SNX19: variants seen among roughly 807,000 people sequenced by gnomAD.
SNX19 encodes sorting nexin 19.
A neutral mutation model predicts 85.2 loss-of-function variants in SNX19; 60 were observed. That is an observed-to-expected ratio of 0.70 (90% CI 0.57 to 0.87). SNX19 has a LOEUF of 0.87. Ranked by LOEUF, SNX19 falls within the 40% of genes least tolerant of loss-of-function variation. The pLI is 0.00. For missense variants in SNX19, 1,201 were observed against 1,217.8 expected, an observed-to-expected ratio of 0.99 and a Z score of 0.21; for synonymous variants, 520 against 470.0, an observed-to-expected ratio of 1.11 and a Z score of -1.38.
At chr11:130,906,938 T>G (rs1319935601) in intron 5 of SNX19, among the ~76,000 whole-genome samples, 1 of 152,236 alleles carries the variant, frequency 6.6e-6, no homozygotes, top group Non-Finnish European at 1.5e-5. Flanking sequence ...ACGCATACAC[T>G]AAGCTATGTC....
Position 130,878,234 on chromosome 11 carries a change from A to G in SNX19, c.*188T>C. 1.9e-6 allele frequency: 1 copy of G among 512,886 alleles called. No individual in the cohort carries two copies. The highest frequency in any genetic ancestry group is 3.0e-5 in the East Asian group (1 of 33,678). The allele number at this position is 512,886 out of a possible 1,614,324, so 31.8% of individuals were successfully genotyped here. On this transcript the variant is annotated 3_prime_UTR_variant, in exon 11 of 11. Transcript: ENST00000265909. The stretch of plus-strand genomic sequence containing the variant: ...AAAAGGAACAGGGAAATAAACGTGC[A>G]TACAACTGGGACACACAGACCCCTG...
rs571582150 is a variant in SNX19, at chr11:130,909,881, C to A, written c.2034+137G>T. ...GGCAACAGGTCTTGACAATTTAAGT[C>A]CATGTTCTATTGACGGCTCTGTGCT... On this transcript the variant is annotated intron_variant, in intron 4 of 10. Transcript: ENST00000265909. The A allele has an allele frequency of 3.7e-5, 42 of 1,138,394 alleles. No homozygotes were observed. The South Asian group carries it at 5.8e-4, about 16-fold the overall frequency. 70.5% of individuals were successfully genotyped at this position (1,138,394 alleles called of 1,614,324 possible).
At chr11:130,900,913 G>C (rs1183919756) in intron 8 of SNX19, among the ~76,000 whole-genome samples, 1 of 152,174 alleles carries the variant, frequency 6.6e-6, no homozygotes, top group Non-Finnish European at 1.5e-5. Flanking sequence ...AAGTGTAAAG[G>C]TACTGGGAAG....
At chr11:130,912,994 C>T (rs1035855954) in intron 1 of SNX19, among the ~76,000 whole-genome samples, 1 of 152,102 alleles carries the variant, frequency 6.6e-6, no homozygotes, top group East Asian at 1.9e-4. Flanking sequence ...TATATTATTT[C>T]GTTCTCATTT....
Position 130,866,559 on chromosome 11 carries a change from G to C in SNX19, c.*11863C>G, listed in dbSNP as rs1229931472. The C allele has an allele frequency of 1.3e-5, 2 of 152,196 alleles. No individual in the cohort carries two copies. Among genetic ancestry groups the C allele is most frequent in the African/African-American group, 4.8e-5 (2 of 41,440 alleles). 9.4% of individuals were successfully genotyped at this position (152,196 alleles called of 1,614,324 possible). A position where few individuals can be genotyped will look rare whatever the true frequency, so the allele number is the denominator to read the frequency against. ...AAGACCCTCTTCCCCAGGAGAGTGG[G>C]AGCGTCTGCCTTCGGGCTGTCAGTA... On this transcript the variant is annotated 3_prime_UTR_variant, in exon 11 of 11. Transcript: ENST00000265909.
rs1385847058 is a variant in SNX19 at position 130,915,880 on chromosome 11, G to C, written c.60C>G (p.Leu20=). The change falls in exon 1 of 11, where the codon CTC becomes CTG. Residue 20 remains leucine (L), a synonymous_variant. Transcript: ENST00000265909. ...QETPAGSSCH[L]NNLLSSRKLM... The stretch of plus-strand genomic sequence containing the variant: ...GCTTCCGGCTACTCAACAGGTTATT[G>C]AGGTGACAGCTCGATCCAGCTGGAG... 1.2e-6 allele frequency: 2 copies of C among 1,614,186 alleles called. No homozygotes were observed. Among genetic ancestry groups the C allele is most frequent in the South Asian group, 1.1e-5 (1 of 91,088 alleles).
intron 8 of SNX19, among the ~76,000 whole-genome samples, chr11:130,888,108 A>G (rs1195771554): frequency 6.6e-6 from 1 of 152,160 alleles, no homozygotes; most frequent in African/African-American, 2.4e-5. Flanking sequence ...ACAAAAAAAA[A>G]AAAAATCGTG....
intron 9 of SNX19, 60 bp from the exon 10 acceptor site, chr11:130,879,771 A>T (rs2135275796): frequency 2.0e-6 from 3 of 1,485,856 alleles, no homozygotes; most frequent in Non-Finnish European, 2.8e-6. Context: ...GATTCTAAGG[A>T]CAGTCTCTCC....
intron 3 of SNX19, 24 bp downstream of exon 3, chr11:130,910,246 A>G (rs1945996656): frequency 6.2e-7 from 1 of 1,613,072 alleles, no homozygotes; most frequent in Non-Finnish European, 8.5e-7. Context: ...AGTGAGAACA[A>G]GGCCAAAAGA....
chr11:130,889,222 T>G (rs993221659), intron 8 of SNX19, among the ~76,000 whole-genome samples: 1 of 152,150 alleles, frequency 6.6e-6, no homozygotes, highest in South Asian at 2.1e-4. Context: ...TTGTTCAGTA[T>G]GTGTCCCCTC....
Position 130,911,693 on chromosome 11 carries a change from C to G in SNX19, c.1753G>C (p.Glu585Gln). ...AYHTVNRRYR[E>Q]FLNLQTRLEE... ...AGACGGGTCTGCAGATTCAAGAACTCCCGATAGCGACGATTCACAGTGTGG... is the reference window on the plus strand; with the variant it reads ...AGACGGGTCTGCAGATTCAAGAACTGCCGATAGCGACGATTCACAGTGTGG... Residue 585 changes from glutamate (E) to glutamine (Q), a missense_variant, in exon 2 of 11, where the codon GAG becomes CAG. By Grantham distance (29) the Glu-to-Gln change is conservative (BLOSUM62 2). This residue lies in a region of SNX19 where 791 missense variants were observed against 750.9 expected (regional missense o/e 1.05). Transcript: ENST00000265909. 1 of 1,614,152 alleles carries G rather than the reference C, an allele frequency of 6.2e-7. No individual in the cohort carries two copies.
Position 130,914,768 on chromosome 11 carries a change from C to T in SNX19, c.1172G>A (p.Gly391Asp). Residue 391 changes from glycine (G) to aspartate (D), a missense_variant, in exon 1 of 11, where the codon GGC becomes GAC. Physicochemically the swap from Gly to Asp is moderately conservative, Grantham distance 94. This residue lies in a region of SNX19 where 791 missense variants were observed against 750.9 expected (regional missense o/e 1.05). Transcript: ENST00000265909. ...GKETIMLMTP[G>D]SFLSDRIQDA... ...CTGAATCCTGTCAGAGAGAAAGCTG[C>T]CTGGAGTCATGAGCATGATGGTTTC... The T allele has an allele frequency of 1.2e-6, 2 of 1,614,184 alleles. No homozygotes were observed. The highest frequency in any genetic ancestry group is 1.7e-6 in the Non-Finnish European group (2 of 1,180,040).
chr11:130,882,855 T>C (rs1459929928), intron 8 of SNX19, among the ~76,000 whole-genome samples: 1 of 152,220 alleles, frequency 6.6e-6, no homozygotes, highest in Non-Finnish European at 1.5e-5. Context: ...GGGTCTCATC[T>C]AACTGTCTTG....
chr11:130,909,157 G>C (rs11222385), intron 4 of SNX19, among the ~76,000 whole-genome samples: 1 of 152,132 alleles, frequency 6.6e-6, no homozygotes, highest in Non-Finnish European at 1.5e-5. Flanking sequence ...AACAGCAGCT[G>C]GTAGAGTGTC....
Position 130,916,063 on chromosome 11 carries a change from G to A in SNX19, c.-124C>T, listed in dbSNP as rs897528736. The A allele has an allele frequency of 6.0e-5, 51 of 854,856 alleles. No individual in the cohort carries two copies. The highest frequency in any genetic ancestry group is 8.8e-5 in the Non-Finnish European group (49 of 557,548). The allele number at this position is 854,856 out of a possible 1,614,324, so 53.0% of individuals were successfully genotyped here. A position where few individuals can be genotyped will look rare whatever the true frequency, so the allele number is the denominator to read the frequency against. ...ATCTGGGTGCTGTTCAGGGAACCGGGGCTCCAGGCCCTCAAAGTCCTACAG... is the reference window on the plus strand; with the variant it reads ...ATCTGGGTGCTGTTCAGGGAACCGGAGCTCCAGGCCCTCAAAGTCCTACAG... On this transcript the variant is annotated 5_prime_UTR_variant, in exon 1 of 11. Transcript: ENST00000265909.
intron 2 of SNX19, 29 bp downstream of exon 2, chr11:130,911,604 G>T (rs369116128): frequency 6.2e-7 from 1 of 1,613,390 alleles, no homozygotes; most frequent in Non-Finnish European, 8.5e-7. Context: ...GGAAGCAAGC[G>T]GGCAGTAGGG....
chr11:130,912,465 G>T (rs1048618414), intron 1 of SNX19, among the ~76,000 whole-genome samples: 11 of 152,190 alleles, frequency 7.2e-5, no homozygotes, highest in African/African-American at 2.4e-4. Flanking sequence ...ACCACGGATG[G>T]CATGGAATCT....
chr11:130,887,443 A>G (rs1944170257), intron 8 of SNX19, among the ~76,000 whole-genome samples: 1 of 152,234 alleles, frequency 6.6e-6, no homozygotes, highest in African/African-American at 2.4e-5. Flanking sequence ...CTCCTCCCAA[A>G]GCAGAAACCT....
chr11:130,914,206 T>C (rs1383281394), intron 1 of SNX19, 60 bp downstream of exon 1: 14 of 1,412,520 alleles, frequency 9.9e-6, no homozygotes, highest in African/African-American at 7.2e-5. Flanking sequence ...ATTTGCTTCA[T>C]GACTGCTTTC....
Sources: gnomAD v4.1 joint callset for allele counts (sites outside exome capture counted in the v4.1 genomes callset) on GRCh38, gnomAD v4.1.1 for gene constraint, gnomAD v4.1.1 regional missense constraint, MANE v1.5 for transcripts, NCBI Gene and HGNC (gene_info 2026-07-23, HGNC 2026-07-21) for gene names.